Variants in PTPRG observed in about 807,000 individuals in gnomAD.
PTPRG encodes the protein protein tyrosine phosphatase receptor type G, also known as receptor-type tyrosine-protein phosphatase gamma.
A neutral mutation model predicts 165.3 loss-of-function variants in PTPRG; 102 were observed. The observed-to-expected ratio is 0.62, with a 90% CI of 0.53 to 0.73. The LOEUF (loss-of-function observed/expected upper bound fraction) is 0.73, where lower values mean the gene tolerates loss of function less well. Among genes scored for constraint, PTPRG ranks in the 30% least tolerant of loss-of-function variants. PTPRG has a pLI of 0.00. For missense variants in PTPRG, 1,866 were observed against 1,861.4 expected (o/e 1.00, Z -0.05); for synonymous variants, 675 against 669.5 (o/e 1.01, Z -0.13).
chr3:62,196,991 G>T lies in PTPRG; in HGVS notation c.1327+1821G>T, dbSNP rs546393004. On this transcript the variant is annotated intron_variant, in intron 10 of 29. Transcript: ENST00000474889. Reference sequence around the variant, plus strand: ...CCAACTGCATCAGAATCTTACCTGGGGCAGGGGGCGTTATCCAGGAATCTG... The same window carrying T: ...CCAACTGCATCAGAATCTTACCTGGTGCAGGGGGCGTTATCCAGGAATCTG... Among the ~76,000 whole-genome samples, 230 of 152,316 alleles carry T rather than the reference G, an allele frequency of 1.5e-3. 1 individual carries two copies. The Middle Eastern group carries it at 0.065, about 43-fold the overall frequency.
intron 5 of PTPRG, among the ~76,000 whole-genome samples, chr3:62,093,803 C>G (rs189544390): frequency 6.6e-6 from 1 of 152,142 alleles, no homozygotes; most frequent in African/African-American, 2.4e-5. Flanking sequence ...TTTTAGTGAA[C>G]CTGCATTAAG....
intron 3 of PTPRG, among the ~76,000 whole-genome samples, chr3:61,996,722 A>G (rs2041048271): frequency 6.6e-6 from 1 of 152,190 alleles, no homozygotes. Flanking sequence ...TCTACTTTAT[A>G]CATTTTCCTG....
At chr3:62,055,612 T>C (rs1333033160) in intron 4 of PTPRG, among the ~76,000 whole-genome samples, 3 of 152,238 alleles carry the variant, frequency 2.0e-5, no homozygotes, top group Admixed American at 1.3e-4. Flanking sequence ...CTTACAGTTC[T>C]GGAGGCTCCA....
intron 2 of PTPRG, among the ~76,000 whole-genome samples, chr3:61,933,096 G>A (rs548491465): frequency 2.0e-5 from 3 of 152,300 alleles, no homozygotes; most frequent in African/African-American, 4.8e-5. Context: ...CAAAGCAAAT[G>A]TCTGTTGGAG....
intron 6 of PTPRG, among the ~76,000 whole-genome samples, chr3:62,154,752 C>T (rs564910432): frequency 1.1e-4 from 16 of 152,286 alleles, no homozygotes; most frequent in African/African-American, 3.8e-4. Flanking sequence ...GAGGGGAAAA[C>T]TCTTCTGATT....
intron 15 of PTPRG, among the ~76,000 whole-genome samples, chr3:62,251,164 G>A (rs563757671): frequency 6.6e-6 from 1 of 152,296 alleles, no homozygotes; most frequent in South Asian, 2.1e-4. Context: ...GCAGAGGCAG[G>A]AGGATCACTC....
intron 5 of PTPRG, among the ~76,000 whole-genome samples, chr3:62,109,986 G>C (rs1313315932): frequency 6.6e-6 from 1 of 151,248 alleles, no homozygotes; most frequent in Admixed American, 6.6e-5. Context: ...TGACATTCAT[G>C]CCCTCTCAAG....
At chr3:61,713,276 T>C (rs554028709) in intron 1 of PTPRG, among the ~76,000 whole-genome samples, 1 of 151,872 alleles carries the variant, frequency 6.6e-6, no homozygotes, top group Admixed American at 6.6e-5. Context: ...TTTTCCTGCC[T>C]CAGCTTCCTG....
At chr3:62,116,545 G>A (rs978515308) in intron 5 of PTPRG, among the ~76,000 whole-genome samples, 1 of 152,110 alleles carries the variant, frequency 6.6e-6, no homozygotes, top group Non-Finnish European at 1.5e-5. Flanking sequence ...ATATAACGAC[G>A]AGTGAAAGAA....
chr3:61,602,419 C>T (rs1376211743), intron 1 of PTPRG, among the ~76,000 whole-genome samples: 1 of 152,040 alleles, frequency 6.6e-6, no homozygotes, highest in Non-Finnish European at 1.5e-5. Context: ...GTCAAGTGTC[C>T]AGCTACCTCA....
chr3:62,022,530 C>T (rs73097929), intron 4 of PTPRG, among the ~76,000 whole-genome samples: 4 of 152,040 alleles, frequency 2.6e-5, no homozygotes, highest in African/African-American at 7.2e-5. Flanking sequence ...ACGGTGTGAA[C>T]GATGCAGGTA....
chr3:62,105,913 A>G (rs1702458616), intron 5 of PTPRG, among the ~76,000 whole-genome samples: 2 of 152,202 alleles, frequency 1.3e-5, no homozygotes, highest in South Asian at 2.1e-4. Context: ...GGGAACAACA[A>G]TGAATATGAC....
chr3:62,071,042 C>A (rs2106727666), intron 4 of PTPRG, among the ~76,000 whole-genome samples: 1 of 152,152 alleles, frequency 6.6e-6, no homozygotes, highest in African/African-American at 2.4e-5. Context: ...TTTGGTTACC[C>A]TCTTTATCTC....
chr3:62,276,751 T>C, intron 24 of PTPRG: 3 of 525,146 alleles, frequency 5.7e-6, no homozygotes, highest in Non-Finnish European at 1.0e-5. Context: ...ACAGTAAAAC[T>C]GTATTCCTAC....
Position 62,124,567 on chromosome 3 carries a change from G to C in PTPRG, c.616-8035G>C, listed in dbSNP as rs529125257. 8.5e-5 allele frequency: 116 copies of C among 1,361,080 alleles called. No homozygotes were observed. The South Asian group carries it at 9.9e-4, about 12-fold the overall frequency. 84.3% of individuals were successfully genotyped at this position (1,361,080 alleles called of 1,614,324 possible). A position where few individuals can be genotyped will look rare whatever the true frequency, so the allele number is the denominator to read the frequency against. ...AGATGCCCAGGCGGTGGTCCAACAG[G>C]CTGTTTTTCCTAATGGACCTCACGG... On this transcript the variant is annotated intron_variant, in intron 5 of 29. Coordinates refer to ENST00000474889, the MANE Select transcript of PTPRG (RefSeq NM_002841.4).
At chr3:62,098,256 TA>T (rs969007419) in intron 5 of PTPRG, among the ~76,000 whole-genome samples, 10 of 150,456 alleles carry the variant, frequency 6.6e-5, no homozygotes, top group East Asian at 3.9e-4. Flanking sequence ...TGAAAAAAAA[TA>T]AAAAAAAATA....
At chr3:61,815,021 T>G (rs2035710885) in intron 2 of PTPRG, among the ~76,000 whole-genome samples, 1 of 152,000 alleles carries the variant, frequency 6.6e-6, no homozygotes, top group Admixed American at 6.6e-5. Context: ...CAGGGCTGCC[T>G]CAGACTCAGG....
chr3:62,063,386 G>T (rs1700885231), intron 4 of PTPRG, among the ~76,000 whole-genome samples: 1 of 152,078 alleles, frequency 6.6e-6, no homozygotes, highest in Admixed American at 6.6e-5. Flanking sequence ...ATTCCTGTTG[G>T]GTTTTAACCA....
In PTPRG at chr3:61,966,626, GT is replaced by G. The variant is rs369191247; in HGVS notation, c.191-22989del. On this transcript the variant is annotated intron_variant, in intron 2 of 29. Transcript: ENST00000474889. ...ACTGACTTAGTTTTCATTCATTCGT[GT>G]TTTTTTTTTCTCACTTTCCTTATTC... is the stretch of plus-strand genomic sequence containing the variant. 5.3e-3 allele frequency among the ~76,000 whole-genome samples: 786 copies of G among 149,546 alleles called. 3 individuals are homozygous for G. Among genetic ancestry groups the G allele is most frequent in the East Asian group, 8.5e-3 (43 of 5,088 alleles).
Sources: allele counts gnomAD v4.1 joint callset (sites outside exome capture counted in the v4.1 genomes callset), GRCh38; gene constraint gnomAD v4.1.1; transcripts MANE v1.5; gene names NCBI Gene and HGNC (gene_info 2026-07-23, HGNC 2026-07-21).